KCNH5: variants seen among roughly 807,000 people sequenced by gnomAD.
KCNH5 encodes the protein voltage-gated delayed rectifier potassium channel KCNH5.
Under a neutral mutation model 96.1 loss-of-function variants are expected in KCNH5, and 46 were observed. That is an observed-to-expected ratio of 0.48 (90% confidence interval 0.38 to 0.61). The LOEUF is 0.61. KCNH5 is among the 20% of genes least tolerant of loss of function. The probability of loss-of-function intolerance (pLI) is 0.00; values close to 1 mark genes in which losing one functional copy is unlikely to be tolerated. For missense variants in KCNH5, 907 were observed against 1,225.8 expected, an observed-to-expected ratio of 0.74 and a Z score of 3.88; for synonymous variants, 439 against 449.8, an observed-to-expected ratio of 0.98 and a Z score of 0.30.
At chr14:62,920,590 T>G (rs1459892632) in intron 7 of KCNH5, among the ~76,000 whole-genome samples, 2 of 152,042 alleles carry the variant, frequency 1.3e-5, no homozygotes, top group Non-Finnish European at 2.9e-5. Flanking sequence ...CCTGTGCAAC[T>G]TAAAAATCAC....
At chr14:62,846,100 G>A (rs1020456870) in intron 8 of KCNH5, among the ~76,000 whole-genome samples, 1 of 152,096 alleles carries the variant, frequency 6.6e-6, no homozygotes, top group Non-Finnish European at 1.5e-5. Flanking sequence ...CATCATCTTT[G>A]ACCATTTACC....
intron 1 of KCNH5, among the ~76,000 whole-genome samples, chr14:63,019,272 C>T (rs1478244523): frequency 6.6e-6 from 1 of 152,000 alleles, no homozygotes; most frequent in East Asian, 1.9e-4. Context: ...GTTCTATTTT[C>T]TGCAAATTGA....
intron 8 of KCNH5, among the ~76,000 whole-genome samples, chr14:62,811,881 A>T (rs1200553051): frequency 6.6e-6 from 1 of 152,184 alleles, no homozygotes; most frequent in African/African-American, 2.4e-5. Flanking sequence ...CGTGTTAGTT[A>T]TGTGCCTGGT....
chr14:62,987,226 A>G, intron 4 of KCNH5, 39 bp from the exon 5 acceptor site: 1 of 1,374,726 alleles, frequency 7.3e-7, no homozygotes, highest in Non-Finnish European at 1.0e-6. Flanking sequence ...TTTTCATACA[A>G]ATGAATAAGG....
In KCNH5 at chr14:62,990,806, G is replaced by T. The variant is rs1890794739; in HGVS notation, c.434-3619C>A. ...GTTTAATTGACTCACAGTTACACATGGCTGGAGAGGCCTTGGGAAAGATAC... is the reference window on the plus strand; with the variant it reads ...GTTTAATTGACTCACAGTTACACATTGCTGGAGAGGCCTTGGGAAAGATAC... On this transcript the variant is annotated intron_variant, in intron 4 of 10. Transcript: ENST00000322893. Among the ~76,000 whole-genome samples, 4 of 152,072 alleles carry T rather than the reference G, an allele frequency of 2.6e-5. No homozygotes were observed. The South Asian group carries it at 8.3e-4, about 31-fold the overall frequency.
intron 10 of KCNH5, among the ~76,000 whole-genome samples, chr14:62,776,222 G>A (rs969320323): frequency 6.6e-5 from 10 of 151,708 alleles, no homozygotes; most frequent in South Asian, 2.1e-4. Context: ...AGTCGAGATC[G>A]CACCACTGCA....
At chr14:63,023,016 C>T (rs1891458025) in intron 1 of KCNH5, among the ~76,000 whole-genome samples, 1 of 151,872 alleles carries the variant, frequency 6.6e-6, no homozygotes, top group Non-Finnish European at 1.5e-5. Context: ...CCAGCCTAGC[C>T]AACATGGTGA....
intron 4 of KCNH5, among the ~76,000 whole-genome samples, chr14:62,987,671 G>GGAAGGATGCAAAT (rs112022547): frequency 0.33 from 49,610 of 151,922 alleles, 10,779 homozygotes; most frequent in African/African-American, 0.61. Context: ...TCTACCAGCT[G>GGAAGGATGCAAAT]GACAAGGCCC....
At chr14:62,917,561 A>G (rs1889299798) in intron 7 of KCNH5, among the ~76,000 whole-genome samples, 1 of 151,948 alleles carries the variant, frequency 6.6e-6, no homozygotes, top group Non-Finnish European at 1.5e-5. Flanking sequence ...CAAGAATAAA[A>G]CCCTTTCTAA....
chr14:62,713,948 T>G (rs1406726011), intron 10 of KCNH5, among the ~76,000 whole-genome samples: 3 of 152,188 alleles, frequency 2.0e-5, no homozygotes, highest in Non-Finnish European at 2.9e-5. Flanking sequence ...ATTACCATTA[T>G]GAGTATTCTC....
At chr14:62,761,721 A>T (rs1419080179) in intron 10 of KCNH5, among the ~76,000 whole-genome samples, 1 of 152,206 alleles carries the variant, frequency 6.6e-6, no homozygotes, top group African/African-American at 2.4e-5. Context: ...TTATTCTAGA[A>T]GACAGAAGAA....
chr14:62,801,076 C>T (rs1886649597), intron 9 of KCNH5, among the ~76,000 whole-genome samples: 1 of 152,056 alleles, frequency 6.6e-6, no homozygotes, highest in African/African-American at 2.4e-5. Flanking sequence ...TTTTACAGAA[C>T]CTGTTTCCCT....
In KCNH5 at chr14:62,915,001, G is replaced by C. The variant is rs137872307; in HGVS notation, c.1369+35132C>G. On this transcript the variant is annotated intron_variant, in intron 7 of 10. Coordinates refer to ENST00000322893, the MANE Select transcript of KCNH5 (RefSeq NM_139318.5). ...TTAGTCACCTTGTATTTCCAGAGCT[G>C]AGCCAGTGCCTGGCACAGAACAGAC... Among the ~76,000 whole-genome samples, 495 of 152,292 alleles carry C rather than the reference G, an allele frequency of 3.3e-3. 4 individuals are homozygous for C. The highest frequency in any genetic ancestry group is 0.011 in the African/African-American group (475 of 41,566).
chr14:62,899,771 T>C (rs1888887146), intron 7 of KCNH5, among the ~76,000 whole-genome samples: 1 of 150,672 alleles, frequency 6.6e-6, no homozygotes, highest in African/African-American at 2.4e-5. Context: ...GAGGCGGAGC[T>C]TGCAGTGAGC....
chr14:63,042,781 A>G (rs1338070151), intron 1 of KCNH5, among the ~76,000 whole-genome samples: 1 of 152,166 alleles, frequency 6.6e-6, no homozygotes, highest in African/African-American at 2.4e-5. Context: ...GTGTAGACCA[A>G]TTTAATACCA....
chr14:62,885,106 A>T (rs1210894579), intron 7 of KCNH5, among the ~76,000 whole-genome samples: 1 of 152,204 alleles, frequency 6.6e-6, no homozygotes, highest in African/African-American at 2.4e-5. Flanking sequence ...AGTAATTATG[A>T]TATTTCTATG....
At chr14:63,044,606 T>C (rs1411785435) in intron 1 of KCNH5, among the ~76,000 whole-genome samples, 1 of 152,102 alleles carries the variant, frequency 6.6e-6, no homozygotes, top group Non-Finnish European at 1.5e-5. Flanking sequence ...TCAACTACTC[T>C]CCCCGGCACA....
chr14:62,934,057 A>C (rs1024538693), intron 7 of KCNH5, among the ~76,000 whole-genome samples: 4 of 152,136 alleles, frequency 2.6e-5, no homozygotes, highest in African/African-American at 9.7e-5. Context: ...CTCTGATCAA[A>C]CATCAGAAGC....
chr14:62,897,792 G>T (rs1888844372), intron 7 of KCNH5, among the ~76,000 whole-genome samples: 1 of 152,080 alleles, frequency 6.6e-6, no homozygotes, highest in Non-Finnish European at 1.5e-5. Context: ...GTATTTTTGT[G>T]TTCCCTCTTT....
Sources: allele counts gnomAD v4.1 joint callset (sites outside exome capture counted in the v4.1 genomes callset), GRCh38; gene constraint gnomAD v4.1.1; transcripts MANE v1.5; gene names NCBI Gene and HGNC (gene_info 2026-07-23, HGNC 2026-07-21).